Variants in CBFB observed in about 807,000 individuals in gnomAD.
The protein encoded by CBFB is CBF-beta.
In CBFB, 9 loss-of-function variants were observed where a neutral mutation model predicts 30.4. That is an observed-to-expected ratio of 0.30 (90% CI 0.18 to 0.52). The LOEUF is 0.52. Among genes scored for constraint, CBFB ranks in the 20% least tolerant of loss-of-function variants. The pLI, the probability that CBFB is intolerant of heterozygous loss-of-function variation, is 0.97. For missense variants in CBFB, 170 were observed against 244.0 expected, an observed-to-expected ratio of 0.70 and a Z score of 2.02; for synonymous variants, 94 against 84.0, an observed-to-expected ratio of 1.12 and a Z score of -0.65.
intron 4 of CBFB, among the ~76,000 whole-genome samples, chr16:67,071,785 C>A (rs1011081184): frequency 3.9e-5 from 6 of 152,168 alleles, no homozygotes; most frequent in African/African-American, 1.4e-4. Flanking sequence ...AGTTCCTAAA[C>A]AAAGACTCTT....
At chr16:67,098,658 T>C in intron 5 of CBFB, 52 bp from the exon 6 acceptor site, 1 of 1,096,414 alleles carries the variant, frequency 9.1e-7, no homozygotes, top group East Asian at 2.4e-5. Flanking sequence ...ATATCTAGTA[T>C]TTTGATTGTC....
chr16:67,062,607 C>T (rs1376715482), intron 3 of CBFB, among the ~76,000 whole-genome samples: 1 of 151,632 alleles, frequency 6.6e-6, no homozygotes, highest in Non-Finnish European at 1.5e-5. Flanking sequence ...GCCCGGCCAA[C>T]ATGGTGAAAC....
chr16:67,043,574 G>T (rs562862899), intron 3 of CBFB, among the ~76,000 whole-genome samples: 1 of 152,170 alleles, frequency 6.6e-6, no homozygotes. Flanking sequence ...TCTTAATAAG[G>T]ATCTTTCTCA....
At chr16:67,066,189 T>C (rs193131897) in intron 3 of CBFB, among the ~76,000 whole-genome samples, 2 of 152,102 alleles carry the variant, frequency 1.3e-5, no homozygotes, top group East Asian at 3.9e-4. Flanking sequence ...AGGGAAGCAG[T>C]GCATGCTCTC....
chr16:67,059,287 G>A (rs1047172876), intron 3 of CBFB, among the ~76,000 whole-genome samples: 1 of 152,122 alleles, frequency 6.6e-6, no homozygotes, highest in Non-Finnish European at 1.5e-5. Context: ...CAAAACACAG[G>A]ATTAGTAATA....
intron 3 of CBFB, among the ~76,000 whole-genome samples, chr16:67,039,043 A>G (rs1966489444): frequency 1.3e-5 from 2 of 152,238 alleles, no homozygotes; most frequent in Non-Finnish European, 1.5e-5. Flanking sequence ...TTATTCTAGT[A>G]CAGTCATGTG....
chr16:67,086,116 T>A (rs561580617), intron 5 of CBFB, among the ~76,000 whole-genome samples: 1 of 152,350 alleles, frequency 6.6e-6, no homozygotes, highest in African/African-American at 2.4e-5. Flanking sequence ...ATGTGATACT[T>A]GTTTTCTTTG....
intron 5 of CBFB, among the ~76,000 whole-genome samples, chr16:67,092,411 T>G (rs1280381692): frequency 6.6e-6 from 1 of 152,130 alleles, no homozygotes; most frequent in Non-Finnish European, 1.5e-5. Context: ...AGGCTGACAT[T>G]AATGCCAATT....
chr16:67,050,223 C>A (rs965886780), intron 3 of CBFB, among the ~76,000 whole-genome samples: 2 of 145,682 alleles, frequency 1.4e-5, no homozygotes, highest in African/African-American at 5.0e-5. Flanking sequence ...ATTTATATAT[C>A]ACATATTTAT....
At chr16:67,051,455 C>T (rs1285860261) in intron 3 of CBFB, among the ~76,000 whole-genome samples, 1 of 151,434 alleles carries the variant, frequency 6.6e-6, no homozygotes, top group Non-Finnish European at 1.5e-5. Flanking sequence ...AAATATATAT[C>T]CAAAATAATG....
At position 67,048,040 on chromosome 16, in the gene CBFB, G is replaced by A. The variant is rs537574135; in HGVS notation, c.282+11285G>A. On this transcript the variant is annotated intron_variant, in intron 3 of 5. Coordinates refer to ENST00000412916, the MANE Select transcript of CBFB (RefSeq NM_022845.3). The stretch of plus-strand genomic sequence containing the variant: ...GCCAAGATCGCGCCACTGCACTCCA[G>A]CCTGGGAACAAAATTCCATCTCAAA... Among the ~76,000 whole-genome samples, 7 of 152,244 alleles carry A rather than the reference G, an allele frequency of 4.6e-5. No individual in the cohort carries two copies. The East Asian group carries it at 1.2e-3, about 25-fold the overall frequency.
intron 4 of CBFB, among the ~76,000 whole-genome samples, chr16:67,068,031 C>A (rs554402310): frequency 2.6e-5 from 4 of 152,286 alleles, no homozygotes; most frequent in African/African-American, 9.6e-5. Flanking sequence ...TGGCAAACTC[C>A]CTGATCTTTG....
At chr16:67,034,173 C>A (rs1212774777) in intron 2 of CBFB, among the ~76,000 whole-genome samples, 1 of 152,008 alleles carries the variant, frequency 6.6e-6, no homozygotes, top group Non-Finnish European at 1.5e-5. Flanking sequence ...GAGACGTCTT[C>A]AACACTAATA....
intron 3 of CBFB, among the ~76,000 whole-genome samples, chr16:67,037,666 A>ATTTTTT (rs35804914): frequency 4.6e-5 from 6 of 129,294 alleles, no homozygotes; most frequent in African/African-American, 1.2e-4. Flanking sequence ...GATTTTGGTA[A>ATTTTTT]TTTTTTTTTT....
chr16:67,041,491 C>G (rs186205480), intron 3 of CBFB, among the ~76,000 whole-genome samples: 1 of 152,058 alleles, frequency 6.6e-6, no homozygotes, highest in East Asian at 1.9e-4. Context: ...AAGAATGACT[C>G]TAACTTAGGC....
chr16:67,029,709 G>T lies in CBFB; in HGVS notation c.79-18G>T, dbSNP rs79560117. 62,535 of 1,576,942 alleles carry T rather than the reference G, an allele frequency of 0.04. 1,969 individuals carry two copies. Among genetic ancestry groups the T allele is most frequent in the African/African-American group, 0.13 (9,227 of 71,230 alleles). On this transcript the variant is annotated intron_variant, in intron 1 of 5. Coordinates refer to ENST00000412916, the MANE Select transcript of CBFB (RefSeq NM_022845.3). ...GCCGCGGATTTGGCTCCTGATTTCGGGCCGTCTTGCCTTGCAGATTAAGTA... is the reference window on the plus strand; with the variant it reads ...GCCGCGGATTTGGCTCCTGATTTCGTGCCGTCTTGCCTTGCAGATTAAGTA...
At chr16:67,092,755 C>A (rs887600229) in intron 5 of CBFB, among the ~76,000 whole-genome samples, 1 of 118,430 alleles carries the variant, frequency 8.4e-6, no homozygotes, top group Non-Finnish European at 1.6e-5. Flanking sequence ...CTCTGCTGCC[C>A]AGGCTGGAGT....
Position 67,100,066 on chromosome 16 carries a change from CTT to C in CBFB, c.*1296_*1297del, listed in dbSNP as rs201131293. 1 of 209,188 alleles carries C rather than the reference CTT, an allele frequency of 4.8e-6. No homozygotes were observed. Among genetic ancestry groups the C allele is most frequent in the African/African-American group, 2.3e-5 (1 of 43,858 alleles). The allele number at this position is 209,188 out of a possible 1,614,324, so 13.0% of individuals were successfully genotyped here. On this transcript the variant is annotated 3_prime_UTR_variant, in exon 6 of 6. Coordinates refer to ENST00000412916, the MANE Select transcript of CBFB (RefSeq NM_022845.3). The stretch of plus-strand genomic sequence containing the variant: ...AAATAGGCTTACTGTCAAATTGCAA[CTT>C]TTTTTTTAGATACAGAGTGGAAAAC...
chr16:67,084,655 CTTT>C (rs1375086509), intron 5 of CBFB, among the ~76,000 whole-genome samples: 1 of 152,124 alleles, frequency 6.6e-6, no homozygotes, highest in Non-Finnish European at 1.5e-5. Flanking sequence ...TATTTCACCA[CTTT>C]TTTTAAGTTT....
Sources: allele counts gnomAD v4.1 joint callset (sites outside exome capture counted in the v4.1 genomes callset), GRCh38; gene constraint gnomAD v4.1.1; transcripts MANE v1.5; gene names NCBI Gene and HGNC (gene_info 2026-07-23, HGNC 2026-07-21).